SRGAP3: variants seen among roughly 807,000 people sequenced by gnomAD.
SRGAP3 encodes the protein SLIT-ROBO Rho GTPase-activating protein 3.
A neutral mutation model predicts 121.1 loss-of-function variants in SRGAP3; 39 were observed. The observed-to-expected ratio is 0.32, with a 90% CI of 0.25 to 0.42. The LOEUF (loss-of-function observed/expected upper bound fraction) is 0.42. SRGAP3 is among the 10% of genes least tolerant of loss of function. The pLI, the probability that SRGAP3 is intolerant of heterozygous loss-of-function variation, is 1.00. For missense variants in SRGAP3, 1,213 were observed against 1,470.6 expected (o/e 0.82, Z 2.86); for synonymous variants, 601 against 570.0 (o/e 1.05, Z -0.77).
At chr3:9,060,743 G>A (rs1349898103) in intron 5 of SRGAP3, among the ~76,000 whole-genome samples, 7 of 96,184 alleles carry the variant, frequency 7.3e-5, no homozygotes, top group African/African-American at 2.6e-4. Context: ...CCGGCCCAGT[G>A]GTTTTTTTTT....
chr3:9,055,402 G>T (rs1945772978), intron 8 of SRGAP3, among the ~76,000 whole-genome samples: 1 of 152,192 alleles, frequency 6.6e-6, no homozygotes, highest in Non-Finnish European at 1.5e-5. Context: ...TTCTCCAGGG[G>T]CCTCCAGTTG....
At chr3:9,220,458 C>T (rs1175393078) in intron 1 of SRGAP3, among the ~76,000 whole-genome samples, 2 of 152,148 alleles carry the variant, frequency 1.3e-5, no homozygotes, top group African/African-American at 4.8e-5. Context: ...TCAGATGTGC[C>T]TCTGCTGCCT....
chr3:9,268,690 G>C (rs1954416624), intron 3 of SRGAP3, among the ~76,000 whole-genome samples: 1 of 152,148 alleles, frequency 6.6e-6, no homozygotes, highest in Middle Eastern at 3.4e-3. Flanking sequence ...GATAACAAAT[G>C]TGTGGGTTTT....
At chr3:9,117,479 T>C (rs1379305818) in intron 2 of SRGAP3, among the ~76,000 whole-genome samples, 1 of 152,256 alleles carries the variant, frequency 6.6e-6, no homozygotes. Flanking sequence ...TAGAATATTA[T>C]TCCCTAACTA....
chr3:8,980,775 A>G lies in SRGAP3; in HGVS notation c.*4744T>C, dbSNP rs911528125. On this transcript the variant is annotated 3_prime_UTR_variant, in exon 22 of 22. Transcript: ENST00000383836. ...ATCACGTGGGGACAGGCAACCAGCA[A>G]TTTCCTAGGGTGGTTTTGGTCTGTT... 4 of 232,694 alleles carry G rather than the reference A, an allele frequency of 1.7e-5. No homozygotes were observed. Among genetic ancestry groups the G allele is most frequent in the African/African-American group, 8.8e-5 (4 of 45,272 alleles). The allele number at this position is 232,694 out of a possible 1,614,324, so 14.4% of individuals were successfully genotyped here. A position where few individuals can be genotyped will look rare whatever the true frequency, so the allele number is the denominator to read the frequency against.
At chr3:9,124,953 G>C (rs774494084) in intron 1 of SRGAP3, 36 bp from the exon 2 acceptor site, 1 of 1,612,180 alleles carries the variant, frequency 6.2e-7, no homozygotes, top group Non-Finnish European at 8.5e-7. Flanking sequence ...TGAGACTGGT[G>C]GTGGGGACGG....
intron 1 of SRGAP3, among the ~76,000 whole-genome samples, chr3:9,243,063 T>C (rs534940049): frequency 6.6e-6 from 1 of 152,228 alleles, no homozygotes; most frequent in Admixed American, 6.5e-5. Context: ...AAGATGACCA[T>C]AAGCCTCTCT....
intron 3 of SRGAP3, among the ~76,000 whole-genome samples, chr3:9,285,509 G>A (rs1357098052): frequency 6.6e-6 from 1 of 152,170 alleles, no homozygotes; most frequent in East Asian, 1.9e-4. Context: ...CATCTCTGAA[G>A]ACACAGGGAT....
chr3:9,322,640 T>C (rs1328283817), intron 3 of SRGAP3, among the ~76,000 whole-genome samples: 1 of 151,824 alleles, frequency 6.6e-6, no homozygotes, highest in East Asian at 1.9e-4. Flanking sequence ...ATGCTCCTTA[T>C]GAGAATCCAA....
At chr3:9,211,142 G>A (rs962119475) in intron 1 of SRGAP3, among the ~76,000 whole-genome samples, 1 of 152,076 alleles carries the variant, frequency 6.6e-6, no homozygotes, top group African/African-American at 2.4e-5. Flanking sequence ...TGTTGAGGGG[G>A]GAGAAGTGGG....
chr3:9,065,825 T>C (rs2125215111), intron 4 of SRGAP3, among the ~76,000 whole-genome samples: 1 of 152,370 alleles, frequency 6.6e-6, no homozygotes, highest in African/African-American at 2.4e-5. Context: ...TGTGTGGACA[T>C]GTATTTTGAT....
chr3:9,082,278 A>G (rs1158239157), intron 3 of SRGAP3, among the ~76,000 whole-genome samples: 1 of 152,198 alleles, frequency 6.6e-6, no homozygotes, highest in Non-Finnish European at 1.5e-5. Flanking sequence ...ACTGTGAGCC[A>G]ATTAAACCTC....
intron 14 of SRGAP3, among the ~76,000 whole-genome samples, chr3:9,017,933 T>G (rs1943720542): frequency 1.3e-5 from 2 of 152,220 alleles, no homozygotes; most frequent in Admixed American, 6.5e-5. Flanking sequence ...CCTATTCTAC[T>G]ACCAAACCCT....
chr3:9,084,214 C>T (rs1947360665), intron 3 of SRGAP3, among the ~76,000 whole-genome samples: 3 of 152,124 alleles, frequency 2.0e-5, no homozygotes, highest in Admixed American at 2.0e-4. Context: ...CATTCTTGCC[C>T]TTCCTATTTC....
intron 4 of SRGAP3, among the ~76,000 whole-genome samples, chr3:9,072,983 G>A (rs1201681779): frequency 4.6e-5 from 7 of 152,106 alleles, no homozygotes; most frequent in African/African-American, 1.2e-4. Context: ...AAAGCTTCTC[G>A]CCTGCTGCTC....
At chr3:9,050,276 A>G (rs981319047) in intron 9 of SRGAP3, among the ~76,000 whole-genome samples, 3 of 152,208 alleles carry the variant, frequency 2.0e-5, no homozygotes, top group Admixed American at 6.5e-5. Flanking sequence ...AGAATTCCCC[A>G]AAAAAGCAGA....
chr3:9,268,130 T>C (rs929976664), intron 3 of SRGAP3, among the ~76,000 whole-genome samples: 27 of 152,240 alleles, frequency 1.8e-4, no homozygotes, highest in African/African-American at 6.0e-4. Flanking sequence ...AGATCTGCCA[T>C]GGACAGAGCT....
At chr3:9,297,018 G>A (rs967951346) in intron 3 of SRGAP3, among the ~76,000 whole-genome samples, 1 of 152,066 alleles carries the variant, frequency 6.6e-6, no homozygotes, top group Non-Finnish European at 1.5e-5. Context: ...CAAGGTAGCT[G>A]GGACTACAGG....
At chr3:9,298,888 C>G (rs372122356) in intron 3 of SRGAP3, among the ~76,000 whole-genome samples, 142 of 151,712 alleles carry the variant, frequency 9.4e-4, no homozygotes, top group African/African-American at 3.2e-3. Flanking sequence ...CCCATCTCTA[C>G]TAAAAATAGA....
Sources: gnomAD v4.1 joint callset for allele counts (sites outside exome capture counted in the v4.1 genomes callset) on GRCh38, gnomAD v4.1.1 for gene constraint, MANE v1.5 for transcripts, NCBI Gene and HGNC (gene_info 2026-07-23, HGNC 2026-07-21) for gene names.